ZNF652: variants seen among roughly 807,000 people sequenced by gnomAD.
ZNF652 encodes the protein zinc finger protein 652.
ZNF652 carries 16 observed loss-of-function variants against 45.2 expected under a neutral mutation model. That is an observed-to-expected ratio of 0.35 (90% CI 0.24 to 0.54). The LOEUF is 0.54. ZNF652 is among the 20% of genes least tolerant of loss of function. The pLI is 0.91. For synonymous variants in ZNF652, 250 were observed against 260.6 expected (o/e 0.96, Z 0.39); for missense variants, 614 against 765.6 (o/e 0.80, Z 2.34).
chr17:49,312,802 T>C lies in ZNF652; in HGVS notation c.944A>G (p.His315Arg). ...TCCATGGACGATCTTGATATGTTCA[T>C]GAAGGGACCAGAGTTTCTTGAACGA... Reference protein sequence around the residue: ...NKSFKKLWSLHEHIKIVHGYA... With the variant: ...NKSFKKLWSLREHIKIVHGYA... Residue 315 changes from histidine (H) to arginine (R), a missense_variant, in exon 3 of 6, where the codon CAT becomes CGT. Physicochemically the swap from His to Arg is conservative, Grantham distance 29 (BLOSUM62 0). This residue lies in a region of ZNF652 where 262 missense variants were observed against 306.3 expected (regional missense o/e 0.86). Coordinates refer to ENST00000430262, the MANE Select transcript of ZNF652 (RefSeq NM_001145365.3). The C allele has an allele frequency of 2.5e-6, 4 of 1,614,128 alleles. No individual in the cohort carries two copies. Among genetic ancestry groups the C allele is most frequent in the Admixed American group, 1.7e-5 (1 of 60,024 alleles).
chr17:49,351,054 CAT>C lies in ZNF652; in HGVS notation c.-259+10853_-259+10854del, dbSNP rs1272036230. On this transcript the variant is annotated intron_variant, in intron 1 of 5. Transcript: ENST00000430262. ...ACACACACACACACACACACACACA[CAT>C]ATTTTTATATAAATATTTATATATA... 6.1e-5 allele frequency among the ~76,000 whole-genome samples: 8 copies of C among 131,834 alleles called. No homozygotes were observed. The East Asian group carries it at 6.6e-4, about 11-fold the overall frequency. 86.5% of individuals were successfully genotyped at this position (131,834 alleles called of 152,430 possible).
rs183847700 is a variant in ZNF652 at position 49,353,483 on chromosome 17, T to A, written c.-259+8426A>T. ...CTGTACCCAGACAAATTCTTTAAAA[T>A]TTTTTTTTTTTGAGACAGAGTCTCG... On this transcript the variant is annotated intron_variant, in intron 1 of 5. Transcript: ENST00000430262. 6.7e-4 allele frequency among the ~76,000 whole-genome samples: 100 copies of A among 148,160 alleles called. 1 individual carries two copies. The highest frequency in any genetic ancestry group is 1.9e-3 in the African/African-American group (78 of 40,626).
chr17:49,338,308 A>G (rs188110725), intron 1 of ZNF652, among the ~76,000 whole-genome samples: 1,526 of 152,256 alleles, frequency 0.01, 22 homozygotes, highest in South Asian at 0.054. Context: ...CTTAAAAAGC[A>G]TAAGAATGAG....
intron 2 of ZNF652, among the ~76,000 whole-genome samples, chr17:49,316,071 C>T (rs968994692): frequency 6.6e-6 from 1 of 152,216 alleles, no homozygotes; most frequent in Non-Finnish European, 1.5e-5. Context: ...CATTAATATG[C>T]ATTCACACGT....
At chr17:49,322,785 T>C (rs551310022) in intron 1 of ZNF652, among the ~76,000 whole-genome samples, 2 of 152,264 alleles carry the variant, frequency 1.3e-5, no homozygotes, top group South Asian at 4.1e-4. Context: ...CTCGGGAGGC[T>C]GAGGCAGGAG....
intron 5 of ZNF652, among the ~76,000 whole-genome samples, chr17:49,309,509 G>GA (rs528221593): frequency 2.4e-3 from 319 of 132,300 alleles, no homozygotes; most frequent in Middle Eastern, 3.8e-3. Flanking sequence ...CTCCATCTCG[G>GA]AAAAAAAAAA....
At chr17:49,341,926 C>T (rs1301278054) in intron 1 of ZNF652, among the ~76,000 whole-genome samples, 1 of 152,126 alleles carries the variant, frequency 6.6e-6, no homozygotes, top group Admixed American at 6.5e-5. Context: ...TAGCTCACGC[C>T]TGTAATCCCA....
chr17:49,354,275 A>G (rs1567701544), intron 1 of ZNF652, among the ~76,000 whole-genome samples: 1 of 152,162 alleles, frequency 6.6e-6, no homozygotes, highest in Non-Finnish European at 1.5e-5. Context: ...TTAAGATCAC[A>G]AAAATAAAAA....
In ZNF652 at chr17:49,298,735, A is replaced by C. The variant is rs755882389; in HGVS notation, c.1499T>G (p.Val500Gly). The change falls in exon 6 of 6, where the codon GTG becomes GGG. Residue 500 changes from valine (V) to glycine (G), a missense_variant. Transcript: ENST00000430262. ...AAGTGGGATCTGGACAGCAGGTGGC[A>C]CATTCACGGGGCTGGTCACCCGAAA... ...KCFRVTSPVN[V>G]PPAVQIPLTT... 2.5e-6 allele frequency: 4 copies of C among 1,614,064 alleles called. No homozygotes were observed. The highest frequency in any genetic ancestry group is 2.5e-6 in the Non-Finnish European group (3 of 1,180,026).
intron 5 of ZNF652, among the ~76,000 whole-genome samples, chr17:49,310,212 CA>C (rs1239407320): frequency 6.6e-6 from 1 of 152,216 alleles, no homozygotes; most frequent in Non-Finnish European, 1.5e-5. Flanking sequence ...CTTGGCCTCC[CA>C]AAGTGCTGGG....
chr17:49,310,776 C>G (rs1184809343), intron 5 of ZNF652, among the ~76,000 whole-genome samples: 2 of 151,622 alleles, frequency 1.3e-5, no homozygotes, highest in Non-Finnish European at 2.9e-5. Context: ...GTGGCGCACA[C>G]CTGTGGTCCC....
chr17:49,294,524 A>C lies in ZNF652; in HGVS notation c.*3889T>G, dbSNP rs537867665. The C allele has an allele frequency of 1.3e-5, 2 of 152,324 alleles. No individual in the cohort carries two copies. The highest frequency in any genetic ancestry group is 4.8e-5 in the African/African-American group (2 of 41,568). The allele number at this position is 152,324 out of a possible 1,614,324, so 9.4% of individuals were successfully genotyped here. A position where few individuals can be genotyped will look rare whatever the true frequency, so the allele number is the denominator to read the frequency against. On this transcript the variant is annotated 3_prime_UTR_variant, in exon 6 of 6. Coordinates refer to ENST00000430262, the MANE Select transcript of ZNF652 (RefSeq NM_001145365.3). ...TTAAATTGTTGTCTTTTCTTCATTCAAATTTAAAAATCTAACTCCGAATGA... is the reference window on the plus strand; with the variant it reads ...TTAAATTGTTGTCTTTTCTTCATTCCAATTTAAAAATCTAACTCCGAATGA...
chr17:49,315,034 T>TTTAG lies in ZNF652; in HGVS notation c.900+1788_900+1791dup, dbSNP rs201560448. On this transcript the variant is annotated intron_variant, in intron 2 of 5. Coordinates refer to ENST00000430262, the MANE Select transcript of ZNF652 (RefSeq NM_001145365.3). ...ACTGCACCCGGCCTTAGGGGAGGGT[T>TTTAG]TTAGTTTGTTTTTTTTTTTTTTTTG... Among the ~76,000 whole-genome samples the TTTAG allele has an allele frequency of 2.4e-4, 31 of 131,488 alleles. 4 individuals carry two copies. Among genetic ancestry groups the TTTAG allele is most frequent in the South Asian group, 2.9e-4 (1 of 3,432 alleles). 86.3% of individuals were successfully genotyped at this position (131,488 alleles called of 152,430 possible).
Position 49,317,654 on chromosome 17 carries a change from T to C in ZNF652, c.72A>G (p.Gln24=), listed in dbSNP as rs776379235. 3.4e-5 allele frequency: 55 copies of C among 1,613,442 alleles called. No homozygotes were observed. Among genetic ancestry groups the C allele is most frequent in the Admixed American group, 2.7e-4 (16 of 60,002 alleles). The change falls in exon 2 of 6, where the codon CAA becomes CAG. Residue 24 remains glutamine (Q), a synonymous_variant. Transcript: ENST00000430262. ...GCACTTGACCACGACGGCTATCTTCTTGTGCCATTCCTGCTACATGCACAG... is the reference window on the plus strand; with the variant it reads ...GCACTTGACCACGACGGCTATCTTCCTGTGCCATTCCTGCTACATGCACAG... ...NCAVHVAGMA[Q]EDSRRGQVPS...
chr17:49,344,738 C>T (rs548432556), intron 1 of ZNF652, among the ~76,000 whole-genome samples: 8 of 152,134 alleles, frequency 5.3e-5, no homozygotes, highest in South Asian at 4.1e-4. Context: ...CCAGGCTGGT[C>T]GCGAACTCCT....
intron 1 of ZNF652, among the ~76,000 whole-genome samples, chr17:49,327,811 T>C (rs1022828288): frequency 2.9e-5 from 3 of 104,882 alleles, no homozygotes; most frequent in Non-Finnish European, 6.1e-5. Flanking sequence ...AGAGATAGGG[T>C]TTCACCATGT....
chr17:49,357,737 A>C (rs1255666926), intron 1 of ZNF652, among the ~76,000 whole-genome samples: 1 of 152,172 alleles, frequency 6.6e-6, no homozygotes, highest in Non-Finnish European at 1.5e-5. Context: ...AATGTCCTAA[A>C]ATACCCCTTT....
chr17:49,354,850 C>T (rs78724452), intron 1 of ZNF652, among the ~76,000 whole-genome samples: 35,048 of 151,710 alleles, frequency 0.23, 4,152 homozygotes, highest in South Asian at 0.32. Flanking sequence ...CTCAGCCTCC[C>T]CAGTAGCTGG....
intron 5 of ZNF652, among the ~76,000 whole-genome samples, 191 bp from the exon 6 acceptor site, chr17:49,299,115 C>T (rs2069518056): frequency 6.6e-6 from 1 of 150,550 alleles, no homozygotes; most frequent in Non-Finnish European, 1.5e-5. Context: ...TGCGCCTGGC[C>T]TATGAGACTG....
Sources: gnomAD v4.1 joint callset for allele counts (sites outside exome capture counted in the v4.1 genomes callset) on GRCh38, gnomAD v4.1.1 for gene constraint, gnomAD v4.1.1 regional missense constraint, MANE v1.5 for transcripts, NCBI Gene and HGNC (gene_info 2026-07-23, HGNC 2026-07-21) for gene names.